Variants in SRD5A3 observed in about 807,000 individuals in gnomAD.
The protein encoded by SRD5A3 is steroid 5 alpha-reductase 3, also known as polyprenal reductase.
In SRD5A3, 24 loss-of-function variants were observed where a neutral mutation model predicts 34.3. That is an observed-to-expected ratio of 0.70 (90% CI 0.51 to 0.99). SRD5A3 has a LOEUF of 0.99. Ranked by LOEUF, SRD5A3 falls within the 50% of genes least tolerant of loss-of-function variation. SRD5A3 has a pLI of 0.00. For missense variants in SRD5A3, 350 were observed against 388.2 expected (o/e 0.90, Z 0.83); for synonymous variants, 161 against 167.3 (o/e 0.96, Z 0.29).
rs928108902 is a variant in SRD5A3 at position 55,360,448 on chromosome 4, A to C, written c.364+960A>C. Among the ~76,000 whole-genome samples, 5 of 151,770 alleles carry C rather than the reference A, an allele frequency of 3.3e-5. No homozygotes were observed. The East Asian group carries it at 9.8e-4, about 30-fold the overall frequency. Reference sequence around the variant, plus strand: ...TTGAACCTGGGAGGCGGAGGTTGCCATGAGCTAAGATTGAGCTACTGCACT... The same window carrying C: ...TTGAACCTGGGAGGCGGAGGTTGCCCTGAGCTAAGATTGAGCTACTGCACT... On this transcript the variant is annotated intron_variant, in intron 2 of 4. Transcript: ENST00000264228.
At position 55,372,826 on chromosome 4, in the gene SRD5A3, G is replaced by A. The variant is rs1264800137; in HGVS notation, c.*2735G>A. The A allele has an allele frequency of 1.3e-5, 2 of 151,772 alleles. No homozygotes were observed. The highest frequency in any genetic ancestry group is 1.5e-5 in the Non-Finnish European group (1 of 67,996). The allele number at this position is 151,772 out of a possible 1,614,324, so 9.4% of individuals were successfully genotyped here. Reference sequence around the variant, plus strand: ...TGAAAATGGCCTTTGTTTTTGTGAAGCTCATCCTATACACTAACATTTGCT... The same window carrying A: ...TGAAAATGGCCTTTGTTTTTGTGAAACTCATCCTATACACTAACATTTGCT... On this transcript the variant is annotated 3_prime_UTR_variant, in exon 5 of 5. Coordinates refer to ENST00000264228, the MANE Select transcript of SRD5A3 (RefSeq NM_024592.5).
chr4:55,359,262 CAG>C, intron 1 of SRD5A3, 82 bp from the exon 2 acceptor site: 1 of 1,575,850 alleles, frequency 6.3e-7, no homozygotes. Flanking sequence ...TGGGGAAAGA[CAG>C]AGAAACTAAA....
intron 1 of SRD5A3, chr4:55,351,734 A>T (rs962526675): frequency 7.1e-6 from 3 of 425,388 alleles, no homozygotes; most frequent in African/African-American, 6.2e-5. Context: ...ATAATAATTC[A>T]TGCTCTTGCA....
At chr4:55,357,081 C>G (rs1425029901) in intron 1 of SRD5A3, among the ~76,000 whole-genome samples, 2 of 152,224 alleles carry the variant, frequency 1.3e-5, no homozygotes, top group Non-Finnish European at 2.9e-5. Context: ...ATGACTCATT[C>G]TAGCCAAATG....
In SRD5A3 at chr4:55,372,416, T is replaced by A. The variant is rs1168635792; in HGVS notation, c.*2325T>A. 6.6e-6 allele frequency: 1 copy of A among 152,134 alleles called. No individual in the cohort carries two copies. The highest frequency in any genetic ancestry group is 1.5e-5 in the Non-Finnish European group (1 of 68,008). 9.4% of individuals were successfully genotyped at this position (152,134 alleles called of 1,614,324 possible). The stretch of plus-strand genomic sequence containing the variant: ...CTCATCCCTGTTTCTTACTCATCCC[T>A]TTTCCTTCTTTGCCCAAACATCATA... On this transcript the variant is annotated 3_prime_UTR_variant, in exon 5 of 5. Coordinates refer to ENST00000264228, the MANE Select transcript of SRD5A3 (RefSeq NM_024592.5).
intron 1 of SRD5A3, among the ~76,000 whole-genome samples, chr4:55,349,069 C>T (rs1173402176): frequency 6.6e-6 from 1 of 152,132 alleles, no homozygotes; most frequent in Non-Finnish European, 1.5e-5. Context: ...GAGTCTCGCT[C>T]TGTCGCCCAG....
chr4:55,346,289 T>C lies in SRD5A3; in HGVS notation c.-48T>C, dbSNP rs779473277. The C allele has an allele frequency of 7.4e-7, 1 of 1,358,546 alleles. No homozygotes were observed. Among genetic ancestry groups the C allele is most frequent in the Non-Finnish European group, 9.4e-7 (1 of 1,059,752 alleles). The allele number at this position is 1,358,546 out of a possible 1,614,324, so 84.2% of individuals were successfully genotyped here. On this transcript the variant is annotated 5_prime_UTR_variant, in exon 1 of 5. Coordinates refer to ENST00000264228, the MANE Select transcript of SRD5A3 (RefSeq NM_024592.5). ...CGCTAGTGGCCGCTCTTCCGCGGGC[T>C]AGCGGGCGGTGGGGGCGCCAGCAGC...
At chr4:55,368,304 G>T (rs1719980347) in intron 4 of SRD5A3, among the ~76,000 whole-genome samples, 1 of 151,554 alleles carries the variant, frequency 6.6e-6, no homozygotes. Flanking sequence ...ACTTGAACCT[G>T]GGAGGCGGAG....
chr4:55,363,743 G>T (rs553867200), intron 2 of SRD5A3, among the ~76,000 whole-genome samples: 1 of 152,322 alleles, frequency 6.6e-6, no homozygotes, highest in East Asian at 1.9e-4. Flanking sequence ...AACGCTTCCA[G>T]TTTGCATCTG....
Position 55,347,660 on chromosome 4 carries a change from T to G in SRD5A3, c.221+1103T>G, listed in dbSNP as rs186883324. Among the ~76,000 whole-genome samples the G allele has an allele frequency of 2.1e-4, 32 of 152,294 alleles. No homozygotes were observed. In the East Asian group the frequency reaches 5.4e-3, roughly 26 times the overall value. On this transcript the variant is annotated intron_variant, in intron 1 of 4. Coordinates refer to ENST00000264228, the MANE Select transcript of SRD5A3 (RefSeq NM_024592.5). ...AATTTTTTTTTAAAGGTTAAAAACA[T>G]CTGGGTTGTCGCTTGAAACACTCAT...
chr4:55,356,812 A>G (rs935810409), intron 1 of SRD5A3, among the ~76,000 whole-genome samples: 2 of 151,862 alleles, frequency 1.3e-5, no homozygotes, highest in African/African-American at 4.8e-5. Context: ...TGGGTAGCCT[A>G]GAGGGATTTT....
chr4:55,358,032 T>A (rs1025387051), intron 1 of SRD5A3, among the ~76,000 whole-genome samples: 3 of 152,210 alleles, frequency 2.0e-5, no homozygotes, highest in Non-Finnish European at 4.4e-5. Flanking sequence ...GCCCCTGCGA[T>A]TATGTTTAAT....
chr4:55,350,938 G>GT (rs1428337707), intron 1 of SRD5A3, among the ~76,000 whole-genome samples: 2 of 150,916 alleles, frequency 1.3e-5, no homozygotes, highest in African/African-American at 2.4e-5. Context: ...AATTTTTTTT[G>GT]TTTTTTTAGT....
intron 1 of SRD5A3, chr4:55,352,128 G>A (rs911364821): frequency 1.2e-6 from 1 of 812,138 alleles, no homozygotes. Flanking sequence ...TTGGTATACA[G>A]ACAGTCCATC....
At chr4:55,349,088 G>A (rs375338788) in intron 1 of SRD5A3, among the ~76,000 whole-genome samples, 5 of 152,124 alleles carry the variant, frequency 3.3e-5, no homozygotes, top group East Asian at 1.9e-4. Context: ...AGGCTGGAAC[G>A]TAGTGGCTCA....
chr4:55,362,201 C>T (rs7679181), intron 2 of SRD5A3, among the ~76,000 whole-genome samples: 3,172 of 151,122 alleles, frequency 0.021, 117 homozygotes, highest in African/African-American at 0.074. Flanking sequence ...GATCTCAGCT[C>T]ACCACAACCT....
chr4:55,352,350 C>G, intron 1 of SRD5A3: 1 of 792,044 alleles, frequency 1.3e-6, no homozygotes, highest in Non-Finnish European at 2.3e-6. Context: ...CCTCTGATCC[C>G]TGAGACTAAG....
intron 1 of SRD5A3, among the ~76,000 whole-genome samples, chr4:55,347,767 T>G (rs1476336209): frequency 2.0e-5 from 3 of 152,216 alleles, no homozygotes; most frequent in Non-Finnish European, 4.4e-5. Flanking sequence ...GAATTTTGAC[T>G]GTCAGAGAAA....
At chr4:55,353,532 TG>T (rs1220384160) in intron 1 of SRD5A3, among the ~76,000 whole-genome samples, 1 of 152,202 alleles carries the variant, frequency 6.6e-6, no homozygotes, top group Non-Finnish European at 1.5e-5. Context: ...GCCAAGTCAC[TG>T]GGGGTCCCCT....
Sources: allele counts gnomAD v4.1 joint callset (sites outside exome capture counted in the v4.1 genomes callset), GRCh38; gene constraint gnomAD v4.1.1; transcripts MANE v1.5; gene names NCBI Gene and HGNC (gene_info 2026-07-23, HGNC 2026-07-21).